The following FSTL5 variants were observed in gnomAD, a reference collection of about 807,000 sequenced individuals.
The protein encoded by FSTL5 is follistatin like 5, also known as follistatin-related protein 5.
In FSTL5, 62 loss-of-function variants were observed where a neutral mutation model predicts 89.1. The observed-to-expected ratio is 0.70, with a 90% CI of 0.57 to 0.86. FSTL5 has a LOEUF of 0.86. Ranked by LOEUF, FSTL5 falls within the 40% of genes least tolerant of loss-of-function variation. The pLI is 0.00. For synonymous variants in FSTL5, 383 were observed against 346.2 expected, an observed-to-expected ratio of 1.11 and a Z score of -1.18; for missense variants, 1,057 against 1,001.6, an observed-to-expected ratio of 1.06 and a Z score of -0.75.
chr4:161,495,243 G>A (rs1317075395), intron 12 of FSTL5: 2 of 152,086 alleles, frequency 1.3e-5, no homozygotes, highest in African/African-American at 2.4e-5. Context: ...AAGCAAAGAA[G>A]GTGGCTGAAT....
chr4:161,574,425 C>T (rs1733140374), intron 8 of FSTL5, among the ~76,000 whole-genome samples: 1 of 151,096 alleles, frequency 6.6e-6, no homozygotes, highest in Non-Finnish European at 1.5e-5. Context: ...ATACATGTGC[C>T]AGCGTGGTTT....
chr4:161,940,839 C>CA (rs1463284490), intron 3 of FSTL5, among the ~76,000 whole-genome samples: 1 of 149,920 alleles, frequency 6.7e-6, no homozygotes, highest in Non-Finnish European at 1.5e-5. Context: ...CAAAACAAAA[C>CA]AAAAAACACT....
At chr4:161,987,248 T>C (rs1159070463) in intron 3 of FSTL5, among the ~76,000 whole-genome samples, 3 of 152,108 alleles carry the variant, frequency 2.0e-5, no homozygotes, top group Admixed American at 1.3e-4. Flanking sequence ...TTATGGCTTA[T>C]AGAGTTTTGT....
At chr4:162,009,660 C>T (rs1430678419) in intron 3 of FSTL5, among the ~76,000 whole-genome samples, 3 of 151,774 alleles carry the variant, frequency 2.0e-5, no homozygotes, top group African/African-American at 7.3e-5. Flanking sequence ...CTCATAGACT[C>T]GAAGCTAATA....
At chr4:161,725,078 C>T (rs955529709) in intron 6 of FSTL5, among the ~76,000 whole-genome samples, 1 of 152,060 alleles carries the variant, frequency 6.6e-6, no homozygotes, top group Admixed American at 6.6e-5. Flanking sequence ...TGCCTGTAGT[C>T]CCAGCTACTC....
chr4:161,997,892 C>T (rs549850588), intron 3 of FSTL5, among the ~76,000 whole-genome samples: 16 of 152,118 alleles, frequency 1.1e-4, no homozygotes, highest in Non-Finnish European at 1.8e-4. Context: ...GCGTGAGCCA[C>T]CGCGCCCGGC....
chr4:161,411,948 A>G (rs1731607943), intron 15 of FSTL5, among the ~76,000 whole-genome samples: 1 of 152,222 alleles, frequency 6.6e-6, no homozygotes, highest in South Asian at 2.1e-4. Flanking sequence ...AAATTCTAGT[A>G]TCTCTGCTAA....
chr4:161,506,191 T>G lies in FSTL5; in HGVS notation c.1339+4207A>C, dbSNP rs188208095. On this transcript the variant is annotated intron_variant, in intron 11 of 15. Coordinates refer to ENST00000306100, the MANE Select transcript of FSTL5 (RefSeq NM_020116.5). ...CTCAGGGATCCTCCCACCTCAGTCT[T>G]CTGAGTAGCTGGGATTACAGGCATG... 7.9e-5 allele frequency among the ~76,000 whole-genome samples: 12 copies of G among 151,628 alleles called. No homozygotes were observed. In the East Asian group the frequency reaches 1.2e-3, roughly 15 times the overall value.
rs2126771399 is a variant in FSTL5, at chr4:161,740,757, T to A, written c.727+18654A>T. On this transcript the variant is annotated intron_variant, in intron 6 of 15. Coordinates refer to ENST00000306100, the MANE Select transcript of FSTL5 (RefSeq NM_020116.5). ...TCATAAAATAGGTATTTGGATCATA[T>A]TATGTACTCAAATAGTGTATGTCTT... is the stretch of plus-strand genomic sequence containing the variant. Among the ~76,000 whole-genome samples the A allele has an allele frequency of 1.3e-5, 2 of 152,338 alleles. 1 individual carries two copies. Among genetic ancestry groups the A allele is most frequent in the South Asian group, 4.1e-4 (2 of 4,828 alleles).
At chr4:161,614,494 A>T (rs1490352519) in intron 7 of FSTL5, among the ~76,000 whole-genome samples, 1 of 152,172 alleles carries the variant, frequency 6.6e-6, no homozygotes, top group Admixed American at 6.5e-5. Flanking sequence ...GTGGCAAAAG[A>T]AGCAAGGATT....
At chr4:161,784,386 T>G (rs1741804828) in intron 4 of FSTL5, among the ~76,000 whole-genome samples, 2 of 152,142 alleles carry the variant, frequency 1.3e-5, no homozygotes, top group Non-Finnish European at 2.9e-5. Context: ...TTTTTATTTT[T>G]TATAAATTTG....
At chr4:161,963,696 C>T (rs1335030105) in intron 3 of FSTL5, among the ~76,000 whole-genome samples, 1 of 151,756 alleles carries the variant, frequency 6.6e-6, no homozygotes, top group Non-Finnish European at 1.5e-5. Flanking sequence ...AAAAGTTTGC[C>T]CAACTATTAC....
In FSTL5 at chr4:161,898,328, A is replaced by T. The variant is rs116828348; in HGVS notation, c.409+22076T>A. Among the ~76,000 whole-genome samples, 491 of 151,794 alleles carry T rather than the reference A, an allele frequency of 3.2e-3. 1 individual carries two copies. Among genetic ancestry groups the T allele is most frequent in the African/African-American group, 0.011 (456 of 41,478 alleles). ...ATCTTCATCGCATTCAATTTAGGAT[A>T]ATTTTGAATAAAACTGCTATAAACA... On this transcript the variant is annotated intron_variant, in intron 4 of 15. Coordinates refer to ENST00000306100, the MANE Select transcript of FSTL5 (RefSeq NM_020116.5).
At chr4:161,599,694 G>T (rs1040047429) in intron 7 of FSTL5, among the ~76,000 whole-genome samples, 5 of 152,010 alleles carry the variant, frequency 3.3e-5, no homozygotes, top group African/African-American at 1.2e-4. Flanking sequence ...CCTTTCCAAA[G>T]ATCTGATAGC....
intron 2 of FSTL5, among the ~76,000 whole-genome samples, chr4:162,088,838 T>C (rs1452679897): frequency 6.6e-6 from 1 of 152,144 alleles, no homozygotes; most frequent in Middle Eastern, 3.2e-3. Context: ...TTAGAATTAC[T>C]AGGAAGACTG....
intron 4 of FSTL5, among the ~76,000 whole-genome samples, chr4:161,816,779 T>C (rs1730338131): frequency 6.6e-6 from 1 of 152,174 alleles, no homozygotes; most frequent in African/African-American, 2.4e-5. Context: ...GGGCAATAAC[T>C]GGTCTCCAGA....
intron 3 of FSTL5, among the ~76,000 whole-genome samples, chr4:162,031,715 A>C (rs1377259558): frequency 2.6e-5 from 4 of 152,074 alleles, no homozygotes; most frequent in African/African-American, 7.2e-5. Flanking sequence ...AGGAGGGAGG[A>C]TTATGAGGTC....
intron 4 of FSTL5, among the ~76,000 whole-genome samples, chr4:161,846,163 T>C (rs1731363440): frequency 6.6e-6 from 1 of 152,174 alleles, no homozygotes; most frequent in Non-Finnish European, 1.5e-5. Flanking sequence ...ATTTCTGGTT[T>C]ATAATGTTAT....
At chr4:161,874,069 T>A (rs1732361007) in intron 4 of FSTL5, among the ~76,000 whole-genome samples, 2 of 152,136 alleles carry the variant, frequency 1.3e-5, no homozygotes, top group Non-Finnish European at 2.9e-5. Context: ...GATATGGTAC[T>A]ATTGTGTTAT....
Sources: allele counts gnomAD v4.1 joint callset (sites outside exome capture counted in the v4.1 genomes callset), GRCh38; gene constraint gnomAD v4.1.1; transcripts MANE v1.5; gene names NCBI Gene and HGNC (gene_info 2026-07-23, HGNC 2026-07-21).